The following EEF1D variants were observed in gnomAD, a reference collection of about 807,000 sequenced individuals.
EEF1D encodes the protein eukaryotic translation elongation factor 1 delta.
In EEF1D, 47 loss-of-function variants were observed where a neutral mutation model predicts 63.9. The observed-to-expected ratio is 0.74, with a 90% CI of 0.58 to 0.94. EEF1D has a LOEUF of 0.94. Ranked by LOEUF, EEF1D falls within the 40% of genes least tolerant of loss-of-function variation. The pLI, the probability that EEF1D is intolerant of heterozygous loss-of-function variation, is 0.00. For missense variants in EEF1D, 907 were observed against 899.0 expected (o/e 1.01, Z -0.11); for synonymous variants, 412 against 386.1 (o/e 1.07, Z -0.79).
At chr8:143,588,839 C>T (rs745316863) in intron 3 of EEF1D, 152 bp downstream of exon 3, 1 of 1,042,722 alleles carries the variant, frequency 9.6e-7, no homozygotes. Context: ...TTTACTCAGC[C>T]TGCTCCTGCA....
intron 1 of EEF1D, among the ~76,000 whole-genome samples, chr8:143,595,177 C>T (rs893499140): frequency 8.5e-5 from 13 of 152,230 alleles, no homozygotes; most frequent in South Asian, 2.1e-4. Flanking sequence ...CCAAGCAATT[C>T]TCCTACCTCA....
At chr8:143,591,641 G>C (rs183614160) in intron 2 of EEF1D, among the ~76,000 whole-genome samples, 4 of 152,248 alleles carry the variant, frequency 2.6e-5, no homozygotes, top group Non-Finnish European at 5.9e-5. Context: ...TGCCTCCGCA[G>C]GTGTGTCTAG....
chr8:143,582,488 C>G (rs73715691), intron 5 of EEF1D: 1 of 152,264 alleles, frequency 6.6e-6, no homozygotes, highest in East Asian at 1.9e-4. Flanking sequence ...AGACCTCCCG[C>G]GGGAGTGGGG....
At position 143,592,011 on chromosome 8, in the gene EEF1D, A is replaced by G. The variant is rs1828046572; in HGVS notation, c.-1+636T>C. 4 of 981,440 alleles carry G rather than the reference A, an allele frequency of 4.1e-6. No homozygotes were observed. The African/African-American group carries it at 5.2e-5, about 13-fold the overall frequency. 60.8% of individuals were successfully genotyped at this position (981,440 alleles called of 1,614,324 possible). On this transcript the variant is annotated intron_variant, in intron 2 of 9. Transcript: ENST00000618139. Reference sequence around the variant, plus strand: ...TGGCACCAACGAGGAACCGGGGCCCATGGGAGGCCACAGGGCCCATGAAGA... The same window carrying G: ...TGGCACCAACGAGGAACCGGGGCCCGTGGGAGGCCACAGGGCCCATGAAGA...
In EEF1D at chr8:143,579,739, T is replaced by C. The variant is rs777244015; in HGVS notation, c.*53A>G. 1 of 1,508,278 alleles carries C rather than the reference T, an allele frequency of 6.6e-7. No individual in the cohort carries two copies. The allele number at this position is 1,508,278 out of a possible 1,614,324, so 93.4% of individuals were successfully genotyped here. ...GACGGAGCCAGAGGGCCGGTCTCAG[T>C]CTTTAATCGTGGCAGGGCCTCACGC... On this transcript the variant is annotated 3_prime_UTR_variant, in exon 10 of 10. Coordinates refer to ENST00000618139, the MANE Select transcript of EEF1D (RefSeq NM_001130053.5).
intron 5 of EEF1D, chr8:143,582,961 C>G (rs1563959350): frequency 6.6e-6 from 1 of 152,280 alleles, no homozygotes; most frequent in Non-Finnish European, 1.5e-5. Flanking sequence ...AGCACTCCCA[C>G]CCCAAATCCA....
At position 143,581,014 on chromosome 8, in the gene EEF1D, C is replaced by T. The variant is rs370785743; in HGVS notation, c.1488+40G>A. The T allele has an allele frequency of 2.1e-5, 33 of 1,595,768 alleles. 1 individual carries two copies. Among genetic ancestry groups the T allele is most frequent in the Admixed American group, 1.5e-4 (9 of 59,754 alleles). On this transcript the variant is annotated intron_variant, in intron 7 of 9. Coordinates refer to ENST00000618139, the MANE Select transcript of EEF1D (RefSeq NM_001130053.5). ...GGCGACGTGGAAGCCAGCAGGGCCA[C>T]GTGGTCCCCTGCAGTGTCAGGCGTG...
intron 5 of EEF1D, chr8:143,581,847 G>A (rs73379012): frequency 0.011 from 1,704 of 158,868 alleles, 41 homozygotes; most frequent in African/African-American, 0.039. Context: ...GTCTCTAGGT[G>A]ATCCAGGGCC....
In EEF1D at chr8:143,589,959, C is replaced by G. The variant is rs760596856; in HGVS notation, c.123G>C (p.Gln41His). ...TCATGGCTGGCCCCTCGGCTGGCAGCTGCTGGGCGGAGGCGGCCGCCTGTG... is the reference window on the plus strand; with the variant it reads ...TCATGGCTGGCCCCTCGGCTGGCAGGTGCTGGGCGGAGGCGGCCGCCTGTG... ...EATQAAASAQ[Q>H]LPAEGPAMNG... The change falls in exon 3 of 10, where the codon CAG becomes CAC. Residue 41 changes from glutamine (Q) to histidine (H), a missense_variant. Physicochemically the swap from Gln to His is conservative, Grantham distance 24. Transcript: ENST00000618139. 5 of 1,598,858 alleles carry G rather than the reference C, an allele frequency of 3.1e-6. 1 individual carries two copies. The South Asian group carries it at 5.5e-5, about 18-fold the overall frequency.
chr8:143,584,862 CCTT>C (rs1184744800), intron 5 of EEF1D, among the ~76,000 whole-genome samples: 4 of 152,146 alleles, frequency 2.6e-5, no homozygotes, highest in Non-Finnish European at 4.4e-5. Flanking sequence ...CGCCCTGTTT[CCTT>C]CTTCTTTTTC....
intron 4 of EEF1D, among the ~76,000 whole-genome samples, chr8:143,586,511 A>G (rs1382658525): frequency 1.3e-5 from 2 of 152,124 alleles, no homozygotes; most frequent in African/African-American, 4.8e-5. Flanking sequence ...GCCTGGCCCC[A>G]CACCAAGTGC....
At chr8:143,596,829 C>T (rs1828915201) in intron 1 of EEF1D, 1 of 152,282 alleles carries the variant, frequency 6.6e-6, no homozygotes, top group Non-Finnish European at 1.5e-5. Context: ...AATCAAGAGA[C>T]AGAAATTTTG....
At chr8:143,588,172 A>C (rs1340231125) in intron 3 of EEF1D, among the ~76,000 whole-genome samples, 1 of 152,124 alleles carries the variant, frequency 6.6e-6, no homozygotes, top group African/African-American at 2.4e-5. Context: ...GTTAACCAGC[A>C]AATCCAGACC....
At chr8:143,595,455 C>T (rs889991844) in intron 1 of EEF1D, among the ~76,000 whole-genome samples, 1 of 152,052 alleles carries the variant, frequency 6.6e-6, no homozygotes, top group Non-Finnish European at 1.5e-5. Flanking sequence ...CTGCCTGCCT[C>T]GGCCTCCCAA....
chr8:143,579,973 A>C lies in EEF1D; in HGVS notation c.1905+39T>G, dbSNP rs767528482. 13 of 1,595,194 alleles carry C rather than the reference A, an allele frequency of 8.1e-6. No individual in the cohort carries two copies. The South Asian group carries it at 1.4e-4, about 17-fold the overall frequency. Reference sequence around the variant, plus strand: ...GTGCAGGGTATGGGCCAGGGTCCCCAGTCTCCTCTCCCCTCCTCTCCCCGG... The same window carrying C: ...GTGCAGGGTATGGGCCAGGGTCCCCCGTCTCCTCTCCCCTCCTCTCCCCGG... On this transcript the variant is annotated intron_variant, in intron 9 of 9. Coordinates refer to ENST00000618139, the MANE Select transcript of EEF1D (RefSeq NM_001130053.5).
chr8:143,588,664 G>A (rs1347096302), intron 3 of EEF1D, among the ~76,000 whole-genome samples: 1 of 152,154 alleles, frequency 6.6e-6, no homozygotes, highest in East Asian at 1.9e-4. Context: ...CTCAGCCCTG[G>A]CATGTGACAG....
intron 4 of EEF1D, 44 bp downstream of exon 4, chr8:143,586,685 G>A: frequency 6.2e-7 from 1 of 1,602,244 alleles, no homozygotes; most frequent in Non-Finnish European, 8.5e-7. Flanking sequence ...GGCCACTCCT[G>A]TCGGGCAGCA....
intron 1 of EEF1D, among the ~76,000 whole-genome samples, chr8:143,594,797 G>A (rs1243397466): frequency 3.9e-5 from 6 of 152,224 alleles, no homozygotes; most frequent in Non-Finnish European, 5.9e-5. Context: ...AGGGCGCGAC[G>A]ACTAGCCCTT....
intron 5 of EEF1D, among the ~76,000 whole-genome samples, chr8:143,585,854 G>C (rs973897628): frequency 6.6e-6 from 1 of 152,216 alleles, no homozygotes; most frequent in African/African-American, 2.4e-5. Flanking sequence ...GAGGGAATGT[G>C]GGAAGGCCCA....
Sources: allele counts gnomAD v4.1 joint callset (sites outside exome capture counted in the v4.1 genomes callset), GRCh38; gene constraint gnomAD v4.1.1; transcripts MANE v1.5; gene names NCBI Gene and HGNC (gene_info 2026-07-23, HGNC 2026-07-21).